MAGI1: variants seen among roughly 807,000 people sequenced by gnomAD.
MAGI1 encodes the protein membrane-associated guanylate kinase, WW and PDZ domain-containing protein 1.
In MAGI1, 58 loss-of-function variants were observed where a neutral mutation model predicts 139.9. That is an observed-to-expected ratio of 0.41 (90% CI 0.34 to 0.52). The LOEUF (loss-of-function observed/expected upper bound fraction) is 0.52. Among genes scored for constraint, MAGI1 ranks in the 20% least tolerant of loss-of-function variants. MAGI1 has a pLI of 0.12. For synonymous variants in MAGI1, 812 were observed against 737.9 expected, an observed-to-expected ratio of 1.10 and a Z score of -1.63; for missense variants, 1,874 against 1,901.6, an observed-to-expected ratio of 0.99 and a Z score of 0.27.
At chr3:65,730,911 T>A (rs992964563) in intron 1 of MAGI1, among the ~76,000 whole-genome samples, 1 of 80,150 alleles carries the variant, frequency 1.2e-5, no homozygotes, top group Non-Finnish European at 2.5e-5. Context: ...GGGGTTTTTG[T>A]TTTTTTTTTT....
chr3:66,001,336 A>G (rs2066727655), intron 1 of MAGI1, among the ~76,000 whole-genome samples: 1 of 152,172 alleles, frequency 6.6e-6, no homozygotes, highest in Non-Finnish European at 1.5e-5. Context: ...AAAGATATAT[A>G]ATATCTAAAA....
rs150101424 is a variant in MAGI1 at position 65,971,038 on chromosome 3, A to G, written c.313+66958T>C. On this transcript the variant is annotated intron_variant, in intron 1 of 22. Transcript: ENST00000402939. ...GCCAACATGGTGAAACCCCATCTCTACTAAAAATACAAAAATTAGCCAGGC... is the reference window on the plus strand; with the variant it reads ...GCCAACATGGTGAAACCCCATCTCTGCTAAAAATACAAAAATTAGCCAGGC... Among the ~76,000 whole-genome samples the G allele has an allele frequency of 8.4e-3, 1,272 of 152,260 alleles. 19 individuals carry two copies. Among genetic ancestry groups the G allele is most frequent in the African/African-American group, 0.029 (1,211 of 41,552 alleles).
Position 65,361,249 on chromosome 3 carries a change from C to T in MAGI1, c.3584G>A (p.Arg1195His), listed in dbSNP as rs144736804. Reference sequence around the variant, plus strand: ...CCGCTTCAGAAACAGACGAACTCTGCGGCCACCATTCTTAATCAGTTCTAT... The same window carrying T: ...CCGCTTCAGAAACAGACGAACTCTGTGGCCACCATTCTTAATCAGTTCTAT... ...RAIELIKNGG[R>H]RVRLFLKRGD... Residue 1195 changes from arginine (R) to histidine (H), a missense_variant, in exon 22 of 23, where the codon CGC becomes CAC. Coordinates refer to ENST00000402939, the MANE Select transcript of MAGI1 (RefSeq NM_001033057.2). 1.0e-4 allele frequency: 164 copies of T among 1,613,996 alleles called. No homozygotes were observed. Among genetic ancestry groups the T allele is most frequent in the Admixed American group, 3.0e-4 (18 of 59,994 alleles).
At chr3:65,690,814 T>G (rs2088561309) in intron 1 of MAGI1, among the ~76,000 whole-genome samples, 1 of 151,666 alleles carries the variant, frequency 6.6e-6, no homozygotes, top group South Asian at 2.1e-4. Context: ...TTTTAACCAC[T>G]ATTATAGTCT....
intron 1 of MAGI1, among the ~76,000 whole-genome samples, chr3:65,941,294 C>G (rs2063302727): frequency 6.6e-6 from 1 of 151,882 alleles, no homozygotes; most frequent in Admixed American, 6.6e-5. Flanking sequence ...TTGCAGTGAG[C>G]CGAGATTGAG....
At chr3:65,984,128 T>C (rs973969807) in intron 1 of MAGI1, among the ~76,000 whole-genome samples, 1 of 152,120 alleles carries the variant, frequency 6.6e-6, no homozygotes, top group Non-Finnish European at 1.5e-5. Context: ...ACCCCATCTC[T>C]ACTAAAAATA....
At chr3:65,918,266 A>G (rs2062002491) in intron 1 of MAGI1, among the ~76,000 whole-genome samples, 1 of 152,088 alleles carries the variant, frequency 6.6e-6, no homozygotes. Flanking sequence ...TTAAGAAGAA[A>G]CTTACATAAC....
chr3:65,608,779 C>A (rs1378820935), intron 2 of MAGI1, among the ~76,000 whole-genome samples: 2 of 152,086 alleles, frequency 1.3e-5, no homozygotes, highest in African/African-American at 4.8e-5. Context: ...CAATTCTACT[C>A]CTAGAATTGT....
chr3:65,986,272 T>TA (rs35971306), intron 1 of MAGI1, among the ~76,000 whole-genome samples: 12 of 151,506 alleles, frequency 7.9e-5, no homozygotes, highest in African/African-American at 2.2e-4. Flanking sequence ...TATTAACTTT[T>TA]AAAAAAAAAG....
chr3:65,779,675 T>G (rs1055669577), intron 1 of MAGI1, among the ~76,000 whole-genome samples: 2 of 152,230 alleles, frequency 1.3e-5, no homozygotes, highest in African/African-American at 4.8e-5. Flanking sequence ...AGTTCTCCTG[T>G]GGCAACACAA....
chr3:65,754,722 C>T (rs1360889233), intron 1 of MAGI1, among the ~76,000 whole-genome samples: 1 of 152,124 alleles, frequency 6.6e-6, no homozygotes, highest in Admixed American at 6.5e-5. Flanking sequence ...CTATTTCAAA[C>T]CAAATATGCC....
intron 2 of MAGI1, among the ~76,000 whole-genome samples, chr3:65,572,852 C>T (rs913264201): frequency 5.3e-5 from 8 of 151,478 alleles, no homozygotes; most frequent in Admixed American, 2.0e-4. Context: ...CCTTTTTTCC[C>T]CAAAGCAGCA....
chr3:65,445,373 A>T (rs543474234), intron 7 of MAGI1, among the ~76,000 whole-genome samples: 14 of 152,202 alleles, frequency 9.2e-5, no homozygotes, highest in Non-Finnish European at 1.8e-4. Flanking sequence ...TGTTCCAGGA[A>T]AGCACAAAAG....
intron 10 of MAGI1, 108 bp downstream of exon 10, chr3:65,437,047 A>G (rs1207237581): frequency 1.7e-6 from 1 of 600,824 alleles, no homozygotes; most frequent in Non-Finnish European, 2.9e-6. Flanking sequence ...GGTTTTCACT[A>G]TCAAAGGAAT....
chr3:65,997,537 T>C (rs2066513462), intron 1 of MAGI1, among the ~76,000 whole-genome samples: 1 of 152,016 alleles, frequency 6.6e-6, no homozygotes, highest in Non-Finnish European at 1.5e-5. Context: ...GTGCCTGTAG[T>C]CCCAGCTACT....
intron 1 of MAGI1, among the ~76,000 whole-genome samples, chr3:65,852,920 G>A (rs2059252542): frequency 6.6e-6 from 1 of 151,250 alleles, no homozygotes; most frequent in Non-Finnish European, 1.5e-5. Flanking sequence ...CAGATCATGA[G>A]GTCAGGAGAT....
At chr3:66,036,440 C>G (rs1490155227) in intron 1 of MAGI1, among the ~76,000 whole-genome samples, 1 of 152,046 alleles carries the variant, frequency 6.6e-6, no homozygotes, top group Non-Finnish European at 1.5e-5. Flanking sequence ...GGACCTAACT[C>G]AGAGTTCAGA....
intron 1 of MAGI1, among the ~76,000 whole-genome samples, chr3:65,734,337 G>A (rs758165211): frequency 3.9e-5 from 6 of 151,966 alleles, no homozygotes; most frequent in East Asian, 1.9e-4. Flanking sequence ...GCACTTGCCT[G>A]TAGCCCTAGC....
chr3:65,712,268 G>A (rs1330316946), intron 1 of MAGI1, among the ~76,000 whole-genome samples: 1 of 151,786 alleles, frequency 6.6e-6, no homozygotes, highest in Non-Finnish European at 1.5e-5. Context: ...CAGTCTTGGC[G>A]CCCACCCACC....
Sources: allele counts gnomAD v4.1 joint callset (sites outside exome capture counted in the v4.1 genomes callset), GRCh38; gene constraint gnomAD v4.1.1; transcripts MANE v1.5; gene names NCBI Gene and HGNC (gene_info 2026-07-23, HGNC 2026-07-21).